The following CNTLN variants were observed in gnomAD, a reference collection of about 807,000 sequenced individuals.
CNTLN encodes the protein centlein.
A neutral mutation model predicts 180.0 loss-of-function variants in CNTLN; 212 were observed. The ratio of observed to expected loss-of-function variants is 1.18; its 90% CI spans 1.05 to 1.32. The LOEUF is 1.32. CNTLN is among the 40% of genes most tolerant of loss of function. The probability of loss-of-function intolerance (pLI) is 0.00; values close to 1 mark genes in which losing one functional copy is unlikely to be tolerated. For synonymous variants in CNTLN, 722 were observed against 563.1 expected (o/e 1.28, Z -3.99); for missense variants, 2,095 against 1,610.9 (o/e 1.30, Z -5.14).
intron 2 of CNTLN, among the ~76,000 whole-genome samples, chr9:17,199,203 CTTTTTTTTT>C (rs763632027): frequency 0.023 from 1,671 of 73,782 alleles, 43 homozygotes; most frequent in African/African-American, 0.073. Flanking sequence ...TGTTTCTTGA[CTTTTTTTTT>C]TTTTTTTTTT....
At chr9:17,514,993 C>A in the CNTLN span, among the ~76,000 whole-genome samples, 3 of 152,196 alleles carry the variant, frequency 2.0e-5, no homozygotes, top group Non-Finnish European at 4.4e-5. Flanking sequence ...CACAGGGCTA[C>A]CATGTAGCCC....
chr9:17,284,772 T>C (rs1191957358), intron 6 of CNTLN, among the ~76,000 whole-genome samples: 1 of 152,120 alleles, frequency 6.6e-6, no homozygotes, highest in East Asian at 1.9e-4. Context: ...TCTGCTCTGA[T>C]CTTGGTTATT....
chr9:17,308,125 A>G (rs958051337), intron 7 of CNTLN, among the ~76,000 whole-genome samples: 1 of 152,120 alleles, frequency 6.6e-6, no homozygotes, highest in Non-Finnish European at 1.5e-5. Context: ...AATCACAATT[A>G]TACATTAGGA....
At chr9:17,393,858 C>T (rs1311666178) in intron 14 of CNTLN, among the ~76,000 whole-genome samples, 3 of 152,066 alleles carry the variant, frequency 2.0e-5, no homozygotes, top group Non-Finnish European at 4.4e-5. Context: ...TTGGTCTTTT[C>T]AAATAATTTT....
the CNTLN span, among the ~76,000 whole-genome samples, chr9:17,516,062 C>G: frequency 3.9e-5 from 6 of 152,214 alleles, no homozygotes; most frequent in African/African-American, 1.4e-4. Context: ...TACCTTTGCA[C>G]TGCAGTTCTC....
Position 17,237,036 on chromosome 9 carries a change from T to G in CNTLN, c.849+448T>G, listed in dbSNP as rs1587283476. ...TTCTATGGTGGTGCTTTCTTTGACT[T>G]TAAAGGTGCTTTCTTTGACTTTAAA... is the stretch of plus-strand genomic sequence containing the variant. On this transcript the variant is annotated intron_variant, in intron 5 of 25. Transcript: ENST00000380647. Among the ~76,000 whole-genome samples, 6 of 152,124 alleles carry G rather than the reference T, an allele frequency of 3.9e-5. No individual in the cohort carries two copies. The South Asian group carries it at 1.2e-3, about 32-fold the overall frequency.
At chr9:17,341,035 G>C in intron 11 of CNTLN, 87 bp downstream of exon 11, 2 of 1,223,468 alleles carry the variant, frequency 1.6e-6, no homozygotes, top group Non-Finnish European at 2.1e-6. Context: ...GCTTTTGTTT[G>C]GTTTTAAAGA....
chr9:17,434,542 T>A (rs1051253951), intron 18 of CNTLN, among the ~76,000 whole-genome samples: 1 of 152,150 alleles, frequency 6.6e-6, no homozygotes, highest in African/African-American at 2.4e-5. Flanking sequence ...TTTTTCTTTT[T>A]TGTTATCAAA....
At chr9:17,472,002 G>A (rs927981386) in intron 23 of CNTLN, among the ~76,000 whole-genome samples, 3 of 152,068 alleles carry the variant, frequency 2.0e-5, no homozygotes, top group Non-Finnish European at 4.4e-5. Flanking sequence ...CACAGTGAAG[G>A]CTCTACTATA....
chr9:17,345,073 A>T (rs1467222251), intron 12 of CNTLN, among the ~76,000 whole-genome samples: 1 of 152,176 alleles, frequency 6.6e-6, no homozygotes, highest in African/African-American at 2.4e-5. Flanking sequence ...TTTTATTGCT[A>T]AATGATATTC....
At chr9:17,155,043 A>G (rs1819172137) in intron 2 of CNTLN, among the ~76,000 whole-genome samples, 1 of 152,068 alleles carries the variant, frequency 6.6e-6, no homozygotes, top group Non-Finnish European at 1.5e-5. Flanking sequence ...ACGACTCTGG[A>G]TGCGCCACCT....
At chr9:17,230,603 A>G (rs1824751850) in intron 3 of CNTLN, among the ~76,000 whole-genome samples, 1 of 151,862 alleles carries the variant, frequency 6.6e-6, no homozygotes. Flanking sequence ...GGCTCAGGTA[A>G]AACCCCATGA....
intron 2 of CNTLN, among the ~76,000 whole-genome samples, chr9:17,193,569 G>C (rs1302843533): frequency 1.3e-5 from 2 of 152,206 alleles, no homozygotes; most frequent in Non-Finnish European, 2.9e-5. Flanking sequence ...AAAGAGGTGA[G>C]TTCCCATGGT....
At chr9:17,244,787 A>G (rs559885120) in intron 5 of CNTLN, among the ~76,000 whole-genome samples, 1 of 151,742 alleles carries the variant, frequency 6.6e-6, no homozygotes, top group East Asian at 1.9e-4. Flanking sequence ...TTTCTTATTT[A>G]TTTATTTTTG....
chr9:17,384,303 C>A (rs1350190250), intron 13 of CNTLN, among the ~76,000 whole-genome samples: 1 of 125,242 alleles, frequency 8.0e-6, no homozygotes. Flanking sequence ...AAAAAAAAAA[C>A]TACTTATCCT....
chr9:17,224,705 T>A (rs1824353518), intron 2 of CNTLN, among the ~76,000 whole-genome samples: 1 of 152,076 alleles, frequency 6.6e-6, no homozygotes, highest in African/African-American at 2.4e-5. Context: ...ATAGCTTCTT[T>A]ACATCTACCT....
At chr9:17,158,218 T>G (rs1245988294) in intron 2 of CNTLN, among the ~76,000 whole-genome samples, 1 of 152,206 alleles carries the variant, frequency 6.6e-6, no homozygotes, top group Non-Finnish European at 1.5e-5. Context: ...TTTCATATGT[T>G]AACTCAACCT....
At chr9:17,319,817 A>T (rs567588229) in intron 8 of CNTLN, among the ~76,000 whole-genome samples, 1 of 151,658 alleles carries the variant, frequency 6.6e-6, no homozygotes, top group African/African-American at 2.4e-5. Flanking sequence ...ATTGGTGGGG[A>T]TTTATCTTTC....
At chr9:17,514,117 A>G in the CNTLN span, among the ~76,000 whole-genome samples, 146,123 of 151,682 alleles carry the variant, frequency 0.96, 70,472 homozygotes, top group Middle Eastern at 1. Flanking sequence ...AGACCAGCCT[A>G]GGCAACATAG....
Sources: allele counts gnomAD v4.1 joint callset (sites outside exome capture counted in the v4.1 genomes callset), GRCh38; gene constraint gnomAD v4.1.1; transcripts MANE v1.5; gene names NCBI Gene and HGNC (gene_info 2026-07-23, HGNC 2026-07-21).